FAT1: variants seen among roughly 807,000 people sequenced by gnomAD.
FAT1 encodes FAT atypical cadherin 1, also known as protocadherin Fat 1.
A neutral mutation model predicts 329.8 loss-of-function variants in FAT1; 171 were observed. The observed-to-expected ratio is 0.52, with a 90% CI of 0.46 to 0.59. The LOEUF (loss-of-function observed/expected upper bound fraction) is 0.59, where lower values mean the gene tolerates loss of function less well. Among genes scored for constraint, FAT1 ranks in the 20% least tolerant of loss-of-function variants. The pLI is 0.00. For missense variants in FAT1, 5,672 were observed against 5,774.4 expected (o/e 0.98, Z 0.57); for synonymous variants, 2,233 against 2,228.6 (o/e 1.00, Z -0.06).
intron 2 of FAT1, among the ~76,000 whole-genome samples, chr4:186,698,166 G>C (rs372946277): frequency 6.6e-6 from 1 of 152,204 alleles, no homozygotes; most frequent in African/African-American, 2.4e-5. Flanking sequence ...GCTTAGAAGA[G>C]GGTAGACAGA....
intron 2 of FAT1, among the ~76,000 whole-genome samples, chr4:186,688,790 G>A (rs74680165): frequency 6.6e-6 from 1 of 151,990 alleles, no homozygotes; most frequent in African/African-American, 2.4e-5. Flanking sequence ...AATGAAACAG[G>A]TGTATCTGTG....
At chr4:186,590,569 GA>G (rs1417491258) in intron 26 of FAT1, 1 of 461,576 alleles carries the variant, frequency 2.2e-6, no homozygotes, top group African/African-American at 2.0e-5. Flanking sequence ...AAATGGCTGA[GA>G]AATGTATGTA....
rs764794914 is a variant in FAT1, at chr4:186,621,595, G to A, written c.4991C>T (p.Ser1664Phe). The change falls in exon 10 of 27, where the codon TCT (serine) becomes TTT (phenylalanine). Residue 1664 changes from serine (S) to phenylalanine (F), a missense_variant. By Grantham distance (155) the Ser-to-Phe change is radical. Transcript: ENST00000441802. The part of the protein sequence containing the change: ...RIFVTIADNA[S>F]PKFTSKEYSV... Reference sequence around the variant, plus strand: ...ATATTCTTTTGATGTAAACTTCGGAGAGGCGTTGTCAGCAATTGTGACAAA... The same window carrying A: ...ATATTCTTTTGATGTAAACTTCGGAAAGGCGTTGTCAGCAATTGTGACAAA... 1 of 1,614,006 alleles carries A rather than the reference G, an allele frequency of 6.2e-7. No individual in the cohort carries two copies. The highest frequency in any genetic ancestry group is 8.5e-7 in the Non-Finnish European group (1 of 1,179,894).
At chr4:186,680,750 T>TA (rs1743171028) in intron 2 of FAT1, among the ~76,000 whole-genome samples, 1 of 152,218 alleles carries the variant, frequency 6.6e-6, no homozygotes, top group South Asian at 2.1e-4. Flanking sequence ...CACAAGTTAC[T>TA]AGGTTGCAGA....
At position 186,588,741 on chromosome 4, in the gene FAT1, A is replaced by T. The variant is rs1738076951; in HGVS notation, c.13618T>A (p.Tyr4540Asn). The T allele has an allele frequency of 6.2e-7, 1 of 1,613,934 alleles. No homozygotes were observed. Among genetic ancestry groups the T allele is most frequent in the East Asian group, 2.2e-5 (1 of 44,880 alleles). ...TCAGAGCAGGAGGCGGTGGAGGCGTACACAGACATGGGCATGCTCTCGACA... is the reference window on the plus strand; with the variant it reads ...TCAGAGCAGGAGGCGGTGGAGGCGTTCACAGACATGGGCATGCTCTCGACA... ...PAVESMPMSV[Y>N]ASTASCSDVS... Residue 4540 changes from tyrosine to asparagine, a missense_variant, in exon 27 of 27, where the codon TAC becomes AAC. Tyr to Asn is a moderately radical substitution (Grantham distance 143, BLOSUM62 -2). Coordinates refer to ENST00000441802, the MANE Select transcript of FAT1 (RefSeq NM_005245.4).
At chr4:186,716,866 C>T (rs1466643827) in intron 1 of FAT1, among the ~76,000 whole-genome samples, 1 of 152,180 alleles carries the variant, frequency 6.6e-6, no homozygotes, top group Non-Finnish European at 1.5e-5. Context: ...TCACTGCAAC[C>T]TCTGCCTTCT....
At chr4:186,677,940 C>A (rs990382217) in intron 2 of FAT1, among the ~76,000 whole-genome samples, 2 of 151,822 alleles carry the variant, frequency 1.3e-5, no homozygotes, top group Admixed American at 6.6e-5. Context: ...AGAACTGAAA[C>A]AAGAAAAAAT....
At chr4:186,711,183 C>T (rs1744932990) in intron 1 of FAT1, among the ~76,000 whole-genome samples, 1 of 152,136 alleles carries the variant, frequency 6.6e-6, no homozygotes, top group Admixed American at 6.5e-5. Context: ...CTTAACTTAG[C>T]TACTGCCAAC....
At position 186,604,503 on chromosome 4, in the gene FAT1, T is replaced by C; in HGVS notation, c.10422A>G (p.Pro3474=). The C allele has an allele frequency of 1.9e-6, 3 of 1,613,686 alleles. No homozygotes were observed. The highest frequency in any genetic ancestry group is 2.5e-6 in the Non-Finnish European group (3 of 1,179,710). ...VTDEDSSHNG[P]PFFFTIVTGN... ...CAGTTACAATAGTAAAGAAGAAGGG[T>C]GGACCGTTATGGGAAGAATCCTCAT... The change falls in exon 18 of 27, where the codon CCA becomes CCG. Residue 3474 remains proline (P), a synonymous_variant. Coordinates refer to ENST00000441802, the MANE Select transcript of FAT1 (RefSeq NM_005245.4).
Position 186,659,154 on chromosome 4 carries a change from C to T in FAT1, c.3580+4145G>A, listed in dbSNP as rs747295394. On this transcript the variant is annotated intron_variant, in intron 3 of 26. Transcript: ENST00000441802. ...GCCTGCAGTGTTCGGTACAGGATCACGGCATACAGGTCTATAGACTAGAAT... is the reference window on the plus strand; with the variant it reads ...GCCTGCAGTGTTCGGTACAGGATCATGGCATACAGGTCTATAGACTAGAAT... Among the ~76,000 whole-genome samples, 60 of 152,286 alleles carry T rather than the reference C, an allele frequency of 3.9e-4. 1 individual carries two copies. The highest frequency in any genetic ancestry group is 3.4e-3 in the Middle Eastern group (1 of 294).
At chr4:186,721,972 G>A (rs1287422432) in intron 1 of FAT1, among the ~76,000 whole-genome samples, 1 of 152,072 alleles carries the variant, frequency 6.6e-6, no homozygotes, top group Non-Finnish European at 1.5e-5. Context: ...CCAAGTAGCT[G>A]GGATTACAGG....
chr4:186,625,431 T>C (rs2126535337), intron 9 of FAT1, among the ~76,000 whole-genome samples: 1 of 152,352 alleles, frequency 6.6e-6, no homozygotes. Context: ...ATTTCAAATA[T>C]GTTAAATAAA....
At chr4:186,717,679 A>G (rs1303086748) in intron 1 of FAT1, among the ~76,000 whole-genome samples, 1 of 152,216 alleles carries the variant, frequency 6.6e-6, no homozygotes, top group African/African-American at 2.4e-5. Context: ...CTAGTTATCT[A>G]CATGAACCTA....
upstream of FAT1, among the ~76,000 whole-genome samples, chr4:186,725,105 A>G (rs1339095981): frequency 6.6e-6 from 1 of 152,160 alleles, no homozygotes; most frequent in African/African-American, 2.4e-5. This position sits in a 1 kb window ranked among gnomAD's most constrained non-coding sequence, Gnocchi z 5.4. Flanking sequence ...GAATACACAT[A>G]GATTCACACA....
At position 186,636,732 on chromosome 4, in the gene FAT1, T is replaced by G; in HGVS notation, c.3825A>C (p.Ile1275=). 6.2e-7 allele frequency: 1 copy of G among 1,613,894 alleles called. No homozygotes were observed. Among genetic ancestry groups the G allele is most frequent in the Non-Finnish European group, 8.5e-7 (1 of 1,179,862 alleles). The part of the protein sequence containing the change: ...NARREPLYHV[I]ATDKDEGPNA... ...TGGGGCCCTCATCCTTGTCGGTGGC[T>G]ATGACGTGATAGAGCGGCTCCCGTC... The change falls in exon 5 of 27, where the codon ATA becomes ATC. Residue 1275 remains isoleucine, a synonymous_variant. Transcript: ENST00000441802.
At chr4:186,678,943 T>A (rs1273997111) in intron 2 of FAT1, among the ~76,000 whole-genome samples, 1 of 152,110 alleles carries the variant, frequency 6.6e-6, no homozygotes, top group Admixed American at 6.6e-5. Context: ...TGGAACCAAT[T>A]CAAATGCCCA....
At chr4:186,699,473 A>G (rs553884648) in intron 2 of FAT1, among the ~76,000 whole-genome samples, 1 of 152,312 alleles carries the variant, frequency 6.6e-6, no homozygotes, top group East Asian at 1.9e-4. Context: ...TTAATTGATA[A>G]GACTGGCCCT....
chr4:186,637,095 C>G (rs550389957), intron 4 of FAT1, among the ~76,000 whole-genome samples, 181 bp from the exon 5 acceptor site: 1 of 152,258 alleles, frequency 6.6e-6, no homozygotes, highest in South Asian at 2.1e-4. Context: ...CAGCACCTCC[C>G]ATCTCTACAG....
chr4:186,614,361 C>G lies in FAT1; in HGVS notation c.9076-17G>C. 1 of 1,492,330 alleles carries G rather than the reference C, an allele frequency of 6.7e-7. No individual in the cohort carries two copies. The highest frequency in any genetic ancestry group is 8.9e-7 in the Non-Finnish European group (1 of 1,122,944). The allele number at this position is 1,492,330 out of a possible 1,614,324, so 92.4% of individuals were successfully genotyped here. A position where few individuals can be genotyped will look rare whatever the true frequency, so the allele number is the denominator to read the frequency against. On this transcript the variant is annotated splice_polypyrimidine_tract_variant and intron_variant, in intron 11 of 26. Transcript: ENST00000441802. ...ATATAAAGTCTGCAAAGAGTTTAAA[C>G]AAAAACGTTACATAAAAGCATTAAC...
Sources: allele counts gnomAD v4.1 joint callset (sites outside exome capture counted in the v4.1 genomes callset), GRCh38; gene constraint gnomAD v4.1.1; non-coding constraint Gnocchi (gnomAD v3.1); transcripts MANE v1.5; gene names NCBI Gene and HGNC (gene_info 2026-07-23, HGNC 2026-07-21).